Variants in AUTS2 observed in about 807,000 individuals in gnomAD.
AUTS2 encodes autism susceptibility gene 2 protein.
A neutral mutation model predicts 112.4 loss-of-function variants in AUTS2; 17 were observed. The observed-to-expected ratio is 0.15, with a 90% CI of 0.10 to 0.23. The LOEUF is 0.23. Among genes scored for constraint, AUTS2 ranks in the 10% least tolerant of loss-of-function variants. AUTS2 has a pLI of 1.00. For missense variants in AUTS2, 1,510 were observed against 1,701.6 expected (o/e 0.89, Z 1.98); for synonymous variants, 751 against 702.7 (o/e 1.07, Z -1.09).
chr7:70,275,686 T>TG (rs1046493060), intron 4 of AUTS2, among the ~76,000 whole-genome samples: 3 of 152,188 alleles, frequency 2.0e-5, no homozygotes, highest in Admixed American at 1.3e-4. Context: ...AATTGAATCA[T>TG]GGGGGCAGTT....
intron 1 of AUTS2, among the ~76,000 whole-genome samples, chr7:69,684,301 G>A (rs1412914171): frequency 6.6e-6 from 1 of 152,146 alleles, no homozygotes; most frequent in Non-Finnish European, 1.5e-5. Context: ...TTGGGACAGG[G>A]TCAAGGTTTT....
At chr7:70,692,967 G>A (rs1259000662) in intron 5 of AUTS2, among the ~76,000 whole-genome samples, 2 of 152,130 alleles carry the variant, frequency 1.3e-5, no homozygotes, top group African/African-American at 4.8e-5. Context: ...GGTGGCACTG[G>A]GAGGGGACTT....
intron 5 of AUTS2, among the ~76,000 whole-genome samples, chr7:70,591,248 C>G (rs1802929518): frequency 6.6e-6 from 1 of 151,828 alleles, no homozygotes; most frequent in Non-Finnish European, 1.5e-5. Context: ...TGTGACAGAG[C>G]CCATTTGTGG....
chr7:69,874,300 A>C (rs1793631898), intron 1 of AUTS2, among the ~76,000 whole-genome samples: 1 of 152,128 alleles, frequency 6.6e-6, no homozygotes, highest in African/African-American at 2.4e-5. Context: ...GCATGTCTGG[A>C]GTATACTTAC....
At chr7:70,637,647 G>T (rs771228925) in intron 5 of AUTS2, among the ~76,000 whole-genome samples, 1 of 152,196 alleles carries the variant, frequency 6.6e-6, no homozygotes, top group Non-Finnish European at 1.5e-5. Context: ...AGAGGTAGGC[G>T]TTGTTCTTCC....
At chr7:70,205,838 G>T (rs1810546388) in intron 4 of AUTS2, among the ~76,000 whole-genome samples, 1 of 152,198 alleles carries the variant, frequency 6.6e-6, no homozygotes, top group African/African-American at 2.4e-5. Flanking sequence ...TTACAGAGTG[G>T]TACCAACATG....
chr7:70,291,390 T>A lies in AUTS2; in HGVS notation c.661-144362T>A, dbSNP rs547344579. ...GATGTGAGAGGTGAGAAAACAACTT[T>A]GTAAATCACCCATCTCACGAAGTTG... is the stretch of plus-strand genomic sequence containing the variant. On this transcript the variant is annotated intron_variant, in intron 4 of 18. Coordinates refer to ENST00000342771, the MANE Select transcript of AUTS2 (RefSeq NM_015570.4). 2.0e-5 allele frequency: 3 copies of A among 152,320 alleles called. No homozygotes were observed. The East Asian group carries it at 5.8e-4, about 29-fold the overall frequency. 9.4% of individuals were successfully genotyped at this position (152,320 alleles called of 1,614,324 possible).
intron 6 of AUTS2, among the ~76,000 whole-genome samples, chr7:70,724,295 T>C (rs1215950608): frequency 6.6e-6 from 1 of 152,186 alleles, no homozygotes; most frequent in Non-Finnish European, 1.5e-5. Flanking sequence ...GCAATTTGAT[T>C]CCATATTTGA....
chr7:69,923,814 A>C (rs544681305), intron 2 of AUTS2, among the ~76,000 whole-genome samples: 63 of 152,296 alleles, frequency 4.1e-4, no homozygotes, highest in African/African-American at 1.5e-3. Context: ...AACCTTGCTA[A>C]ACTCACTTAT....
chr7:70,652,264 C>G (rs1585443557), intron 5 of AUTS2, among the ~76,000 whole-genome samples: 1 of 152,102 alleles, frequency 6.6e-6, no homozygotes, highest in East Asian at 1.9e-4. Context: ...GTTTACTAAA[C>G]AGAATTAAGC....
At position 69,651,734 on chromosome 7, in the gene AUTS2, A is replaced by G. The variant is rs575259094; in HGVS notation, c.309+51772A>G. Among the ~76,000 whole-genome samples, 3 of 152,376 alleles carry G rather than the reference A, an allele frequency of 2.0e-5. No homozygotes were observed. The East Asian group carries it at 5.8e-4, about 29-fold the overall frequency. ...TATTCTGTGGATTTTGAGTAAGATC[A>G]CTAATCAACATGTGAAATCTTCCTT... On this transcript the variant is annotated intron_variant, in intron 1 of 18. Transcript: ENST00000342771.
At chr7:69,942,684 G>T (rs1796671724) in intron 2 of AUTS2, among the ~76,000 whole-genome samples, 1 of 152,188 alleles carries the variant, frequency 6.6e-6, no homozygotes, top group Non-Finnish European at 1.5e-5. Context: ...AAGCTGCATT[G>T]TGGTAGCAAG....
At chr7:70,114,923 C>G (rs1805280293) in intron 2 of AUTS2, among the ~76,000 whole-genome samples, 1 of 152,180 alleles carries the variant, frequency 6.6e-6, no homozygotes, top group Non-Finnish European at 1.5e-5. Flanking sequence ...AAATATTGAG[C>G]TGTCTGACAG....
intron 6 of AUTS2, 96 bp downstream of exon 6, chr7:70,698,716 T>C (rs1381532368): frequency 3.0e-6 from 3 of 995,282 alleles, no homozygotes; most frequent in Non-Finnish European, 4.4e-6. Context: ...GATCTTTCTC[T>C]TATAATTCTG....
chr7:70,141,516 AT>A (rs1188453229), intron 4 of AUTS2, among the ~76,000 whole-genome samples: 1 of 152,208 alleles, frequency 6.6e-6, no homozygotes, highest in East Asian at 1.9e-4. Context: ...GTGCAGAAAC[AT>A]CTGGGCAAAC....
chr7:69,807,511 G>A (rs1017198840), intron 1 of AUTS2, among the ~76,000 whole-genome samples: 2 of 152,100 alleles, frequency 1.3e-5, no homozygotes, highest in African/African-American at 2.4e-5. Context: ...ATTTGGTCCC[G>A]GGAAAAGAGG....
chr7:70,323,537 G>A lies in AUTS2; in HGVS notation c.661-112215G>A, dbSNP rs80197247. The stretch of plus-strand genomic sequence containing the variant: ...GCAGACCTCTTAGAGGGTAAAATGG[G>A]TTATGATTTTCTAAAGAGGAAATTC... On this transcript the variant is annotated intron_variant, in intron 4 of 18. Coordinates refer to ENST00000342771, the MANE Select transcript of AUTS2 (RefSeq NM_015570.4). 7.7e-3 allele frequency among the ~76,000 whole-genome samples: 1,176 copies of A among 152,252 alleles called. 11 individuals are homozygous for A. Among genetic ancestry groups the A allele is most frequent in the Non-Finnish European group, 0.013 (908 of 68,024 alleles).
chr7:70,775,253 C>T (rs368034141), intron 12 of AUTS2, 104 bp from the exon 13 acceptor site: 7 of 1,010,664 alleles, frequency 6.9e-6, no homozygotes, highest in Non-Finnish European at 1.1e-5. Flanking sequence ...AAGTAAAATT[C>T]TAACATTTTA....
chr7:70,518,282 G>A, intron 5 of AUTS2, among the ~76,000 whole-genome samples: 1 of 152,172 alleles, frequency 6.6e-6, no homozygotes, highest in East Asian at 1.9e-4. Context: ...CAGGGGAGAA[G>A]TTATATGAAA....
Sources: gnomAD v4.1 joint callset for allele counts (sites outside exome capture counted in the v4.1 genomes callset) on GRCh38, gnomAD v4.1.1 for gene constraint, MANE v1.5 for transcripts, NCBI Gene and HGNC (gene_info 2026-07-23, HGNC 2026-07-21) for gene names.